Variants in ANKRD31 observed in about 807,000 individuals in gnomAD.
The protein encoded by ANKRD31 is ankyrin repeat domain 31.
In ANKRD31, 147 loss-of-function variants were observed where a neutral mutation model predicts 186.0. The ratio of observed to expected loss-of-function variants is 0.79; its 90% CI spans 0.69 to 0.91. The LOEUF is 0.91. ANKRD31 is among the 40% of genes least tolerant of loss of function. ANKRD31 has a pLI of 0.00. For synonymous variants in ANKRD31, 673 were observed against 736.4 expected, an observed-to-expected ratio of 0.91 and a Z score of 1.39; for missense variants, 1,986 against 2,148.8, an observed-to-expected ratio of 0.92 and a Z score of 1.50.
At chr5:75,206,256 T>A (rs1239086195) in intron 5 of ANKRD31, among the ~76,000 whole-genome samples, 155 bp downstream of exon 5, 6 of 1,540 alleles carry the variant, frequency 3.9e-3, no homozygotes, top group Non-Finnish European at 4.6e-3. Flanking sequence ...AAAATATATA[T>A]ATATATATAT....
chr5:75,150,754 T>C (rs1039997530), intron 12 of ANKRD31, among the ~76,000 whole-genome samples: 31 of 152,014 alleles, frequency 2.0e-4, no homozygotes, highest in Non-Finnish European at 1.0e-4. Flanking sequence ...CAATGCATGT[T>C]GTAATTATTT....
intron 11 of ANKRD31, among the ~76,000 whole-genome samples, chr5:75,155,988 C>T (rs897991427): frequency 6.6e-6 from 1 of 151,832 alleles, no homozygotes; most frequent in South Asian, 2.1e-4. Context: ...CTCACTGCAA[C>T]CTCTGCCTCC....
chr5:75,210,816 T>G lies in ANKRD31; in HGVS notation c.326+12A>C. 6.7e-7 allele frequency: 1 copy of G among 1,490,966 alleles called. No homozygotes were observed. Among genetic ancestry groups the G allele is most frequent in the Non-Finnish European group, 8.8e-7 (1 of 1,130,464 alleles). The allele number at this position is 1,490,966 out of a possible 1,614,324, so 92.4% of individuals were successfully genotyped here. On this transcript the variant is annotated intron_variant, in intron 4 of 25. Coordinates refer to ENST00000506364, the MANE Select transcript of ANKRD31 (RefSeq NM_001372053.1). ...CCTACAACATAATGAAGCCAAAAAT[T>G]AGTATACTTACTGTAACAGAGCTTG...
intron 18 of ANKRD31, 89 bp from the exon 19 acceptor site, chr5:75,116,770 T>C (rs1748318018): frequency 1.6e-6 from 1 of 632,920 alleles, no homozygotes; most frequent in South Asian, 6.3e-5. Flanking sequence ...ATGAGAAGGA[T>C]AAGTCAAGTC....
intron 10 of ANKRD31, among the ~76,000 whole-genome samples, chr5:75,174,141 T>C (rs1310976019): frequency 1.3e-5 from 2 of 152,224 alleles, no homozygotes; most frequent in African/African-American, 2.4e-5. Flanking sequence ...CGATTCCCTA[T>C]TTAGTAAATG....
At chr5:75,129,950 G>A (rs28448485) in intron 17 of ANKRD31, among the ~76,000 whole-genome samples, 76,758 of 152,100 alleles carry the variant, frequency 0.5, 22,311 homozygotes, top group African/African-American at 0.81. Context: ...AGCTTTTCCA[G>A]TGGTCGTAGT....
At position 75,180,493 on chromosome 5, in the gene ANKRD31, G is replaced by A. The variant is rs539408236; in HGVS notation, c.1564+8000C>T. On this transcript the variant is annotated intron_variant, in intron 10 of 25. Coordinates refer to ENST00000506364, the MANE Select transcript of ANKRD31 (RefSeq NM_001372053.1). ...ACCTGAGTTCAAAGTATACTACAAG[G>A]CTACAGTAACCAAAACAGCATGGTA... 4.5e-3 allele frequency among the ~76,000 whole-genome samples: 682 copies of A among 152,238 alleles called. 4 individuals carry two copies. Among genetic ancestry groups the A allele is most frequent in the Non-Finnish European group, 7.0e-3 (477 of 68,022 alleles).
At chr5:75,131,338 G>C (rs1199944432) in intron 17 of ANKRD31, among the ~76,000 whole-genome samples, 1 of 152,112 alleles carries the variant, frequency 6.6e-6, no homozygotes, top group Non-Finnish European at 1.5e-5. Flanking sequence ...CCTCTCATTA[G>C]CAAACAGCAC....
intron 17 of ANKRD31, among the ~76,000 whole-genome samples, chr5:75,129,160 C>T (rs1749519641): frequency 6.6e-6 from 1 of 152,126 alleles, no homozygotes; most frequent in African/African-American, 2.4e-5. Context: ...TGTAGCATCA[C>T]CCCCTTCCCT....
At chr5:75,156,557 G>GA (rs1028561353) in intron 11 of ANKRD31, among the ~76,000 whole-genome samples, 11 of 152,116 alleles carry the variant, frequency 7.2e-5, no homozygotes, top group Admixed American at 6.6e-4. Context: ...ACTTTATTTG[G>GA]AAAAAAGACC....
rs767003160 is a variant in ANKRD31 at position 75,137,889 on chromosome 5, G to A, written c.3843C>T (p.Pro1281=). 2.6e-6 allele frequency: 4 copies of A among 1,532,140 alleles called. No homozygotes were observed. The highest frequency in any genetic ancestry group is 3.5e-6 in the Non-Finnish European group (4 of 1,144,618). The allele number at this position is 1,532,140 out of a possible 1,614,324, so 94.9% of individuals were successfully genotyped here. A position where few individuals can be genotyped will look rare whatever the true frequency, so the allele number is the denominator to read the frequency against. The part of the protein sequence containing the change: ...VNCENIDGIL[P]LHDAVANNHL... ...GATTGTTTGCAACAGCATCATGTAA[G>A]GGCAGAATTCCATCTATATTTTCAC... The change falls in exon 17 of 26, where the codon CCC becomes CCT. Residue 1281 remains proline (P), a synonymous_variant. Coordinates refer to ENST00000506364, the MANE Select transcript of ANKRD31 (RefSeq NM_001372053.1).
chr5:75,231,083 T>G (rs911972411), intron 1 of ANKRD31, among the ~76,000 whole-genome samples: 22 of 152,072 alleles, frequency 1.4e-4, no homozygotes, highest in African/African-American at 5.3e-4. Context: ...CCTTTATTTA[T>G]TTATTTATTT....
intron 5 of ANKRD31, among the ~76,000 whole-genome samples, chr5:75,201,325 A>C (rs1206442420): frequency 1.3e-5 from 2 of 152,240 alleles, no homozygotes; most frequent in Admixed American, 6.5e-5. Context: ...TCCTTGGTTT[A>C]GAATTATTCC....
intron 9 of ANKRD31, among the ~76,000 whole-genome samples, chr5:75,190,607 ATGTGTG>A (rs57136126): frequency 2.0e-5 from 3 of 147,822 alleles, no homozygotes; most frequent in Non-Finnish European, 3.0e-5. Flanking sequence ...GTGCTTATAT[ATGTGTG>A]TGTGTGTGTG....
At chr5:75,200,515 C>T (rs1482001506) in intron 5 of ANKRD31, among the ~76,000 whole-genome samples, 1 of 146,048 alleles carries the variant, frequency 6.8e-6, no homozygotes, top group Non-Finnish European at 1.5e-5. Flanking sequence ...CCAGGCTGGT[C>T]TCAAACCCCT....
intron 19 of ANKRD31, among the ~76,000 whole-genome samples, chr5:75,113,709 T>A (rs1264191364): frequency 6.6e-6 from 1 of 152,180 alleles, no homozygotes; most frequent in Non-Finnish European, 1.5e-5. Flanking sequence ...AAGTACATAA[T>A]AAAATAACCT....
At chr5:75,192,014 C>T (rs895311082) in intron 9 of ANKRD31, among the ~76,000 whole-genome samples, 2 of 152,008 alleles carry the variant, frequency 1.3e-5, no homozygotes, top group South Asian at 2.1e-4. Flanking sequence ...CTTCTAAATA[C>T]GTATGCATCC....
chr5:75,227,497 T>C (rs1344526996), intron 2 of ANKRD31, among the ~76,000 whole-genome samples: 3 of 152,174 alleles, frequency 2.0e-5, no homozygotes, highest in African/African-American at 4.8e-5. Flanking sequence ...GTGATTATCA[T>C]GCCTAAATAT....
intron 4 of ANKRD31, 40 bp downstream of exon 4, chr5:75,210,788 A>T: frequency 7.2e-7 from 1 of 1,392,846 alleles, no homozygotes; most frequent in Non-Finnish European, 9.5e-7. Flanking sequence ...AATGACAAAA[A>T]TACCTACAAC....
Sources: allele counts gnomAD v4.1 joint callset (sites outside exome capture counted in the v4.1 genomes callset), GRCh38; gene constraint gnomAD v4.1.1; transcripts MANE v1.5; gene names NCBI Gene and HGNC (gene_info 2026-07-23, HGNC 2026-07-21).